Variants in FCN2 observed in about 807,000 individuals in gnomAD.
The protein encoded by FCN2 is ficolin 2.
A neutral mutation model predicts 32.5 loss-of-function variants in FCN2; 31 were observed. The ratio of observed to expected loss-of-function variants is 0.96; its 90% CI spans 0.72 to 1.29. FCN2 has a LOEUF of 1.29. Ranked by LOEUF, FCN2 falls within the 50% of genes most tolerant of loss-of-function variation. The pLI, the probability that FCN2 is intolerant of heterozygous loss-of-function variation, is 0.00. For synonymous variants in FCN2, 181 were observed against 164.5 expected, an observed-to-expected ratio of 1.10 and a Z score of -0.77; for missense variants, 412 against 406.5, an observed-to-expected ratio of 1.01 and a Z score of -0.12.
chr9:134,886,318 C>T, intron 6 of FCN2, 112 bp from the exon 7 acceptor site: 1 of 1,302,878 alleles, frequency 7.7e-7, no homozygotes, highest in Non-Finnish European at 1.1e-6. Context: ...GCTCTCCGCC[C>T]TCTGCCTCCA....
upstream of FCN2, among the ~76,000 whole-genome samples, chr9:134,876,268 G>A (rs1588639781): frequency 6.6e-6 from 1 of 152,196 alleles, no homozygotes; most frequent in East Asian, 1.9e-4. Context: ...TTGCTATTGG[G>A]GAAATGCTGG....
the FCN2 span, among the ~76,000 whole-genome samples, chr9:134,875,264 T>C: frequency 1.3e-5 from 2 of 152,234 alleles, no homozygotes; most frequent in East Asian, 3.8e-4. Flanking sequence ...CTCTTGGTTG[T>C]TCTAATTGCA....
upstream of FCN2, among the ~76,000 whole-genome samples, chr9:134,878,271 T>C (rs1176611890): frequency 6.6e-6 from 1 of 152,174 alleles, no homozygotes; most frequent in Admixed American, 6.5e-5. Context: ...AAGGCCCTAG[T>C]TGGGACCCGA....
chr9:134,884,700 C>A (rs1258943650), intron 3 of FCN2, 40 bp from the exon 4 acceptor site: 10 of 1,609,754 alleles, frequency 6.2e-6, no homozygotes, highest in Non-Finnish European at 8.5e-6. Context: ...GCTCTGATTT[C>A]CAAACTGTGA....
chr9:134,865,838 CCAA>C, the FCN2 span, among the ~76,000 whole-genome samples: 1 of 152,092 alleles, frequency 6.6e-6, no homozygotes, highest in Admixed American at 6.5e-5. Flanking sequence ...TTCTTATACA[CCAA>C]CAACAGACAA....
chr9:134,881,529 G>A lies in FCN2; in HGVS notation c.100+608G>A, dbSNP rs556763288. Among the ~76,000 whole-genome samples, 388 of 152,310 alleles carry A rather than the reference G, an allele frequency of 2.5e-3. 2 individuals are homozygous for A. Among genetic ancestry groups the A allele is most frequent in the South Asian group, 6.0e-3 (29 of 4,822 alleles). The stretch of plus-strand genomic sequence containing the variant: ...ATGGGCTCCGGCGCATGCGAGGGCA[G>A]GTTGAAAATGCAGGTTCTGGAGTCA... On this transcript the variant is annotated intron_variant, in intron 1 of 7. Transcript: ENST00000291744.
chr9:134,886,375 C>T, intron 6 of FCN2, 55 bp from the exon 7 acceptor site: 1 of 1,610,202 alleles, frequency 6.2e-7, no homozygotes, highest in Non-Finnish European at 8.5e-7. Context: ...CCCCAGCTCC[C>T]ATGTCTAAAG....
rs144393630 is a variant in FCN2 at position 134,887,235 on chromosome 9, C to T, written c.762C>T (p.Thr254=). ...STKDQDNDLN[T]GNCAVMFQGA... The stretch of plus-strand genomic sequence containing the variant: ...AAGACCAGGACAATGATCTTAACAC[C>T]GGAAATTGTGCTGTGATGTTTCAGG... Residue 254 remains threonine, a synonymous_variant, in exon 8 of 8, where the codon ACC becomes ACT. Coordinates refer to ENST00000291744, the MANE Select transcript of FCN2 (RefSeq NM_004108.3). 1.1e-4 allele frequency: 173 copies of T among 1,614,136 alleles called. No homozygotes were observed. The African/African-American group carries it at 1.5e-3, about 14-fold the overall frequency.
chr9:134,866,128 G>GA, the FCN2 span, among the ~76,000 whole-genome samples: 18 of 150,740 alleles, frequency 1.2e-4, no homozygotes, highest in Non-Finnish European at 2.1e-4. Flanking sequence ...CACAGAATTG[G>GA]AAAAAACTAC....
In FCN2 at chr9:134,885,735, C is replaced by T. The variant is rs549770448; in HGVS notation, c.430-33C>T. ...CCGTGCTGTGGGACGTCGGCCTGGC[C>T]CCCCCGGCTCCTGTCCCCTGGCTTC... is the stretch of plus-strand genomic sequence containing the variant. On this transcript the variant is annotated intron_variant, in intron 5 of 7. Transcript: ENST00000291744. 238 of 1,613,568 alleles carry T rather than the reference C, an allele frequency of 1.5e-4. 1 individual carries two copies. The South Asian group carries it at 2.5e-3, about 17-fold the overall frequency.
the FCN2 span, among the ~76,000 whole-genome samples, chr9:134,873,256 C>A: frequency 1.2e-4 from 19 of 152,090 alleles, no homozygotes; most frequent in African/African-American, 4.3e-4. Context: ...TAGAGGCTTA[C>A]AATCACACAA....
At chr9:134,881,000 C>A in intron 1 of FCN2, 79 bp downstream of exon 1, 2 of 1,007,696 alleles carry the variant, frequency 2.0e-6, no homozygotes, top group Non-Finnish European at 3.1e-6. Flanking sequence ...GGCTTCCTGG[C>A]TTCCAGGCCT....
upstream of FCN2, among the ~76,000 whole-genome samples, chr9:134,878,481 A>G (rs114895714): frequency 0.031 from 4,654 of 152,286 alleles, 211 homozygotes; most frequent in African/African-American, 0.11. Context: ...TGAGTTCACC[A>G]AAGACTTTTC....
the FCN2 span, among the ~76,000 whole-genome samples, chr9:134,872,231 G>A: frequency 7.9e-5 from 12 of 151,582 alleles, no homozygotes; most frequent in South Asian, 2.1e-4. Flanking sequence ...TCCATTCAGC[G>A]GAGTCGTACC....
At chr9:134,879,554 T>A (rs980813454), upstream of FCN2, among the ~76,000 whole-genome samples, 5 of 152,158 alleles carry the variant, frequency 3.3e-5, no homozygotes, top group Non-Finnish European at 7.4e-5. Context: ...CTAGGTTCCA[T>A]ATCTGCATCT....
chr9:134,871,477 C>T, the FCN2 span, among the ~76,000 whole-genome samples: 2 of 152,370 alleles, frequency 1.3e-5, no homozygotes, highest in East Asian at 3.9e-4. Context: ...CTGGGCTGTG[C>T]CGCCGCTGCG....
chr9:134,885,268 C>T lies in FCN2; in HGVS notation c.331C>T (p.Arg111Ter), dbSNP rs376463516. ...GPRTCKDLLD[R>*]GHFLSGWHTI... The stretch of plus-strand genomic sequence containing the variant: ...GCGTACCTGCAAGGACCTGCTAGAC[C>T]GAGGGCACTTCCTGAGCGGCTGGCA... Residue 111 changes from arginine (R) to a stop codon, truncating the protein, a stop_gained, in exon 5 of 8, where the codon CGA (arginine) becomes TGA (stop). Coordinates refer to ENST00000291744, the MANE Select transcript of FCN2 (RefSeq NM_004108.3). LOFTEE classifies it high-confidence loss of function. 8.1e-6 allele frequency: 13 copies of T among 1,614,014 alleles called. No individual in the cohort carries two copies. Among genetic ancestry groups the T allele is most frequent in the African/African-American group, 5.3e-5 (4 of 74,930 alleles).
At chr9:134,867,503 G>A in the FCN2 span, among the ~76,000 whole-genome samples, 1 of 110,886 alleles carries the variant, frequency 9.0e-6, no homozygotes, top group African/African-American at 3.5e-5. Context: ...GGTGGGGGGA[G>A]GGGGGAGGGA....
chr9:134,887,165 C>G lies in FCN2; in HGVS notation c.695-3C>G. The G allele has an allele frequency of 6.2e-7, 1 of 1,614,078 alleles. No individual in the cohort carries two copies. Among genetic ancestry groups the G allele is most frequent in the Non-Finnish European group, 8.5e-7 (1 of 1,179,986 alleles). ...AACGATGCTCACATTTCCTCCTGCA[C>G]AGGAGATTCCCTGACGTTCCACAAC... On this transcript the variant is annotated splice_region_variant and splice_polypyrimidine_tract_variant and intron_variant, in intron 7 of 7. Transcript: ENST00000291744.
Sources: allele counts gnomAD v4.1 joint callset (sites outside exome capture counted in the v4.1 genomes callset), GRCh38; gene constraint gnomAD v4.1.1; transcripts MANE v1.5; gene names NCBI Gene and HGNC (gene_info 2026-07-23, HGNC 2026-07-21).